The following FOCAD variants were observed in gnomAD, a reference collection of about 807,000 sequenced individuals.
FOCAD encodes the protein focadhesin.
In FOCAD, 198 loss-of-function variants were observed where a neutral mutation model predicts 225.6. The ratio of observed to expected loss-of-function variants is 0.88; its 90% CI spans 0.78 to 0.99. FOCAD has a LOEUF of 0.99. FOCAD is among the 50% of genes least tolerant of loss of function. The pLI is 0.00. For missense variants in FOCAD, 2,713 were observed against 2,123.6 expected (o/e 1.28, Z -5.46); for synonymous variants, 897 against 755.0 (o/e 1.19, Z -3.08).
intron 1 of FOCAD, among the ~76,000 whole-genome samples, chr9:20,709,939 G>T (rs553125367): frequency 6.6e-6 from 1 of 152,244 alleles, no homozygotes; most frequent in African/African-American, 2.4e-5. Context: ...TGAAAACAAG[G>T]TCATCTTTTT....
At chr9:20,857,934 G>A (rs1828365957) in intron 15 of FOCAD, among the ~76,000 whole-genome samples, 1 of 151,842 alleles carries the variant, frequency 6.6e-6, no homozygotes, top group Non-Finnish European at 1.5e-5. Context: ...GCATCCCTGG[G>A]ATGAATCCTA....
intron 29 of FOCAD, 110 bp downstream of exon 29, chr9:20,944,884 C>T (rs1837032501): frequency 1.7e-6 from 2 of 1,181,266 alleles, no homozygotes; most frequent in Non-Finnish European, 2.3e-6. Flanking sequence ...AATTCTTCCT[C>T]AAAGAGAAAA....
At position 20,707,363 on chromosome 9, in the gene FOCAD, AAACTTTC is replaced by A. The variant is rs200545207; in HGVS notation, c.-32-7956_-32-7950del. Among the ~76,000 whole-genome samples the A allele has an allele frequency of 8.5e-3, 1,298 of 152,286 alleles. 20 individuals carry two copies. Among genetic ancestry groups the A allele is most frequent in the Middle Eastern group, 0.034 (10 of 294 alleles). ...TCTTACACCTGCTCTTTATTGTTGAAAACTTTCAATTTTTATGAATTTTTATGAATCA... is the reference window on the plus strand; with the variant it reads ...TCTTACACCTGCTCTTTATTGTTGAAAATTTTTATGAATTTTTATGAATCA... On this transcript the variant is annotated intron_variant, in intron 1 of 43. Transcript: ENST00000338382.
chr9:20,794,670 T>C (rs1820874501), intron 11 of FOCAD, among the ~76,000 whole-genome samples: 1 of 152,128 alleles, frequency 6.6e-6, no homozygotes, highest in Admixed American at 6.5e-5. Flanking sequence ...GAAGGGAAAA[T>C]TGTAAGGGAT....
intron 34 of FOCAD, chr9:20,952,291 G>A (rs753635965): frequency 1.3e-5 from 2 of 152,194 alleles, no homozygotes; most frequent in Non-Finnish European, 2.9e-5. Context: ...CAAAATGATT[G>A]TGTATCTGGA....
At chr9:20,673,649 C>A (rs1456735533) in intron 2 of FOCAD, among the ~76,000 whole-genome samples, 1 of 152,132 alleles carries the variant, frequency 6.6e-6, no homozygotes, top group East Asian at 1.9e-4. Flanking sequence ...GGCTGGAGTG[C>A]AGTGGCGTGA....
At chr9:20,734,328 C>T (rs1826956837) in intron 4 of FOCAD, among the ~76,000 whole-genome samples, 2 of 152,154 alleles carry the variant, frequency 1.3e-5, no homozygotes, top group African/African-American at 4.8e-5. Context: ...GATCCAGGTA[C>T]ATGGAATTAG....
At chr9:20,784,426 G>A (rs1400676354) in intron 10 of FOCAD, among the ~76,000 whole-genome samples, 1 of 152,196 alleles carries the variant, frequency 6.6e-6, no homozygotes, top group Admixed American at 6.5e-5. Flanking sequence ...AGTGGGTGTG[G>A]AGCTGAGAGG....
intron 15 of FOCAD, among the ~76,000 whole-genome samples, chr9:20,834,221 T>C (rs1825776341): frequency 6.6e-6 from 1 of 151,928 alleles, no homozygotes. Context: ...ACACCGCATG[T>C]TGTCACTTAT....
intron 1 of FOCAD, among the ~76,000 whole-genome samples, chr9:20,689,713 G>T (rs1020644154): frequency 6.6e-6 from 1 of 152,196 alleles, no homozygotes; most frequent in African/African-American, 2.4e-5. Context: ...AAAGAGCTTA[G>T]ATTTGGGTAT....
rs115447657 is a variant in FOCAD at position 20,990,085 on chromosome 9, A to G, written c.5005-38A>G. The G allele has an allele frequency of 4.6e-4, 741 of 1,610,056 alleles. 9 individuals carry two copies. The African/African-American group carries it at 9.1e-3, about 20-fold the overall frequency. ...GAACATGTGTTACTTTGAATTGTTA[A>G]AAAATATGACCTAACGTCATTTCTA... is the stretch of plus-strand genomic sequence containing the variant. On this transcript the variant is annotated intron_variant, in intron 41 of 43. Transcript: ENST00000338382.
Position 20,885,142 on chromosome 9 carries a change from A to T in FOCAD, c.2537A>T (p.Tyr846Phe). ...GMLFCYDVSMYQSKDGKPLNR... is the reference protein window; with the variant it reads ...GMLFCYDVSMFQSKDGKPLNR... The stretch of plus-strand genomic sequence containing the variant: ...TTATTTTGCTATGATGTTTCCATGT[A>T]TCAGAGTAAAGATGGAAAACCATTG... Residue 846 changes from tyrosine (Y) to phenylalanine (F), a missense_variant, in exon 21 of 44, where the codon TAT becomes TTT. By Grantham distance (22) the Tyr-to-Phe change is conservative. Coordinates refer to ENST00000338382, the MANE Select transcript of FOCAD (RefSeq NM_001375567.1). The T allele has an allele frequency of 6.6e-7, 1 of 1,523,782 alleles. No individual in the cohort carries two copies. The highest frequency in any genetic ancestry group is 1.4e-5 in the South Asian group (1 of 72,012). The allele number at this position is 1,523,782 out of a possible 1,614,324, so 94.4% of individuals were successfully genotyped here.
chr9:20,785,935 T>C (rs1469410047), intron 10 of FOCAD, among the ~76,000 whole-genome samples: 1 of 152,212 alleles, frequency 6.6e-6, no homozygotes. Flanking sequence ...TTTATCTTTT[T>C]GATGGTTACA....
chr9:20,848,143 C>G (rs1421295179), intron 15 of FOCAD, among the ~76,000 whole-genome samples: 1 of 149,806 alleles, frequency 6.7e-6, no homozygotes, highest in African/African-American at 2.5e-5. Context: ...TGGAATCCTT[C>G]AGATGAAGAT....
chr9:20,990,896 A>G (rs1841609728), intron 42 of FOCAD, among the ~76,000 whole-genome samples: 1 of 152,190 alleles, frequency 6.6e-6, no homozygotes, highest in Non-Finnish European at 1.5e-5. Context: ...CATTGCACAG[A>G]TATGCTCCAG....
At chr9:20,951,215 C>T (rs762535004) in intron 34 of FOCAD, 117 bp downstream of exon 34, 4 of 740,298 alleles carry the variant, frequency 5.4e-6, no homozygotes, top group East Asian at 2.5e-5. Context: ...GTATTACCAT[C>T]TCTGTTTTAC....
intron 11 of FOCAD, among the ~76,000 whole-genome samples, chr9:20,808,851 C>G (rs555991636): frequency 3.1e-4 from 47 of 152,196 alleles, no homozygotes; most frequent in African/African-American, 1.1e-3. Context: ...CACTTTAGTC[C>G]TATCATTTTT....
intron 1 of FOCAD, among the ~76,000 whole-genome samples, chr9:20,706,544 T>C (rs1182955994): frequency 1.3e-5 from 2 of 152,234 alleles, no homozygotes; most frequent in Non-Finnish European, 2.9e-5. Flanking sequence ...ATGCCTCATG[T>C]TACCGATGGT....
At chr9:20,723,695 A>G (rs1339043159) in intron 4 of FOCAD, among the ~76,000 whole-genome samples, 1 of 152,212 alleles carries the variant, frequency 6.6e-6, no homozygotes, top group Non-Finnish European at 1.5e-5. Flanking sequence ...TCCTTCCTTA[A>G]CAAACAGAAA....
Sources: gnomAD v4.1 joint callset for allele counts (sites outside exome capture counted in the v4.1 genomes callset) on GRCh38, gnomAD v4.1.1 for gene constraint, MANE v1.5 for transcripts, NCBI Gene and HGNC (gene_info 2026-07-23, HGNC 2026-07-21) for gene names.